The following ZBTB7B variants were observed in gnomAD, a reference collection of about 807,000 sequenced individuals.
ZBTB7B encodes zinc finger and BTB domain containing 7B.
ZBTB7B carries 8 observed loss-of-function variants against 31.0 expected under a neutral mutation model. That is an observed-to-expected ratio of 0.26 (90% CI 0.15 to 0.47). The LOEUF is 0.47. Among genes scored for constraint, ZBTB7B ranks in the 20% least tolerant of loss-of-function variants. The pLI is 0.99. For missense variants in ZBTB7B, 494 were observed against 742.4 expected (o/e 0.67, Z 3.89); for synonymous variants, 261 against 307.3 (o/e 0.85, Z 1.58).
upstream of ZBTB7B, among the ~76,000 whole-genome samples, chr1:155,002,229 G>A (rs919424026): frequency 1.3e-5 from 2 of 151,938 alleles, no homozygotes; most frequent in African/African-American, 4.8e-5. Flanking sequence ...AGCGGACAGG[G>A]CGGTGGCGTG....
intron 1 of ZBTB7B, among the ~76,000 whole-genome samples, chr1:155,006,845 C>G (rs981969780): frequency 6.6e-6 from 1 of 152,190 alleles, no homozygotes; most frequent in African/African-American, 2.4e-5. Flanking sequence ...CTTTCCTCCA[C>G]CATGGACATC....
In ZBTB7B at chr1:155,014,918, C is replaced by T. The variant is rs768523521; in HGVS notation, c.258C>T (p.Ala86=). 3.3e-5 allele frequency: 54 copies of T among 1,613,828 alleles called. No homozygotes were observed. The highest frequency in any genetic ancestry group is 4.2e-5 in the Non-Finnish European group (50 of 1,180,016). The change falls in exon 2 of 3, where the codon GCC becomes GCT. Residue 86 remains alanine, a synonymous_variant. Transcript: ENST00000535420. ...GSGTATGGAG[A]GVCELDFVGP... ...GGACGGCCACTGGGGGAGCAGGGGC[C>T]GGTGTGTGTGAGCTGGACTTTGTAG...
At chr1:155,009,620 G>A (rs1658813442) in intron 1 of ZBTB7B, among the ~76,000 whole-genome samples, 1 of 147,868 alleles carries the variant, frequency 6.8e-6, no homozygotes, top group African/African-American at 2.5e-5. Context: ...CCCCACATCC[G>A]CTCTCGCTGC....
Position 155,017,227 on chromosome 1 carries a change from G to A in ZBTB7B, c.*542G>A, listed in dbSNP as rs1318432842. 6.5e-6 allele frequency: 1 copy of A among 152,972 alleles called. No homozygotes were observed. The allele number at this position is 152,972 out of a possible 1,614,324, so 9.5% of individuals were successfully genotyped here. A position where few individuals can be genotyped will look rare whatever the true frequency, so the allele number is the denominator to read the frequency against. On this transcript the variant is annotated 3_prime_UTR_variant, in exon 3 of 3. Coordinates refer to ENST00000535420, the MANE Select transcript of ZBTB7B (RefSeq NM_001256455.2). ...GGGAAAGCCAGGTGGAAGCTTGAAA[G>A]ACTGGGGGACTGGGCCTGTAAGGAA...
rs1351840984 is a variant in ZBTB7B, at chr1:155,003,895, G to A, written c.-7+952G>A. 2.6e-5 allele frequency among the ~76,000 whole-genome samples: 4 copies of A among 152,120 alleles called. No homozygotes were observed. Among genetic ancestry groups the A allele is most frequent in the Non-Finnish European group, 5.9e-5 (4 of 67,988 alleles). ...CGTGTCCCGGCCAGAGCGAGGTGGGGGCGGGAGTGGGGGGGCGGCGTGGGC... is the reference window on the plus strand; with the variant it reads ...CGTGTCCCGGCCAGAGCGAGGTGGGAGCGGGAGTGGGGGGGCGGCGTGGGC... On this transcript the variant is annotated intron_variant, in intron 1 of 2. Transcript: ENST00000535420. This position sits in a 1 kb window ranked among gnomAD's most constrained non-coding sequence, Gnocchi z 5.8.
At chr1:155,012,397 G>A (rs1489097303) in intron 1 of ZBTB7B, among the ~76,000 whole-genome samples, 5 of 152,072 alleles carry the variant, frequency 3.3e-5, no homozygotes, top group Admixed American at 1.3e-4. Flanking sequence ...GGCCCAGGAG[G>A]GTGCCTACTG....
At chr1:155,010,725 CT>C (rs1268680484) in intron 1 of ZBTB7B, among the ~76,000 whole-genome samples, 3 of 152,104 alleles carry the variant, frequency 2.0e-5, no homozygotes, top group Non-Finnish European at 2.9e-5. Context: ...CCCCACCCCC[CT>C]GGTCCAGACG....
intron 1 of ZBTB7B, among the ~76,000 whole-genome samples, chr1:155,008,973 C>T (rs1658749569): frequency 6.6e-6 from 1 of 152,232 alleles, no homozygotes; most frequent in South Asian, 2.1e-4. Flanking sequence ...GCCGCCAGGC[C>T]CCTCAGCGTT....
intron 1 of ZBTB7B, among the ~76,000 whole-genome samples, chr1:155,013,731 G>C (rs1331196317): frequency 6.6e-6 from 1 of 151,866 alleles, no homozygotes; most frequent in Non-Finnish European, 1.5e-5. Context: ...ACTGGAACTT[G>C]GCCTATTGGC....
chr1:155,016,493 C>G lies in ZBTB7B; in HGVS notation c.1428C>G (p.Thr476=). Residue 476 remains threonine, a synonymous_variant, in exon 3 of 3, where the codon ACC becomes ACG. Coordinates refer to ENST00000535420, the MANE Select transcript of ZBTB7B (RefSeq NM_001256455.2). The surrounding 1 kb of genome is among the most constrained non-coding windows in gnomAD (Gnocchi z 4.3). ...CACCCCACTACCCACCACCCTCTAC[C>G]GCTGCTGCATCCCCCGCTGGCCTCG... ...DAPPHYPPPS[T]AAASPAGLDL... The G allele has an allele frequency of 3.1e-6, 5 of 1,614,062 alleles. No homozygotes were observed. The highest frequency in any genetic ancestry group is 4.2e-6 in the Non-Finnish European group (5 of 1,179,964).
chr1:155,015,444 T>C lies in ZBTB7B; in HGVS notation c.784T>C (p.Ser262Pro), dbSNP rs200348493. 17 of 1,579,690 alleles carry C rather than the reference T, an allele frequency of 1.1e-5. No homozygotes were observed. In the East Asian group the frequency reaches 3.6e-4, roughly 33 times the overall value. ...DSYSPPTGTA[S>P]PPEGPQSYEP... ...CTACAGCCCTCCCACAGGAACTGCC[T>C]CCCCTCCTGAGGGTCCCCAGAGCTA... The change falls in exon 2 of 3, where the codon TCC becomes CCC. Residue 262 changes from serine (S) to proline (P), a missense_variant. Physicochemically the swap from Ser to Pro is moderately conservative, Grantham distance 74 (BLOSUM62 -1). This residue lies in a region of ZBTB7B where 216 missense variants were observed against 229.3 expected (regional missense o/e 0.94). Transcript: ENST00000535420.
At chr1:155,011,287 G>A (rs1212609848) in intron 1 of ZBTB7B, among the ~76,000 whole-genome samples, 1 of 152,234 alleles carries the variant, frequency 6.6e-6, no homozygotes, top group East Asian at 1.9e-4. Flanking sequence ...TCAGCACCCG[G>A]AAAGAGTTCC....
upstream of ZBTB7B, among the ~76,000 whole-genome samples, chr1:155,002,257 A>C (rs1277238897): frequency 1.3e-5 from 2 of 150,858 alleles, no homozygotes; most frequent in Admixed American, 6.6e-5. Context: ...CGGGCAGAGC[A>C]GCAGCAAAGG....
chr1:155,015,225 C>A lies in ZBTB7B; in HGVS notation c.565C>A (p.Pro189Thr), dbSNP rs745417803. The A allele has an allele frequency of 1.2e-6, 2 of 1,613,804 alleles. No homozygotes were observed. The highest frequency in any genetic ancestry group is 1.7e-6 in the Non-Finnish European group (2 of 1,179,992). Residue 189 changes from proline to threonine, a missense_variant, in exon 2 of 3, where the codon CCT becomes ACT. Pro to Thr is a conservative substitution (Grantham distance 38). This residue lies in a region of ZBTB7B where 216 missense variants were observed against 229.3 expected (regional missense o/e 0.94). Coordinates refer to ENST00000535420, the MANE Select transcript of ZBTB7B (RefSeq NM_001256455.2). ...TCCTCCACAGGTGCCCCTCCCACCACCTCCGCCACCGCCACCTCGGCCTGT... is the reference window on the plus strand; with the variant it reads ...TCCTCCACAGGTGCCCCTCCCACCAACTCCGCCACCGCCACCTCGGCCTGT... ...DSPPQVPLPP[P>T]PPPPPRPVAR...
At chr1:155,005,194 G>T (rs1415442303) in intron 1 of ZBTB7B, among the ~76,000 whole-genome samples, 1 of 152,128 alleles carries the variant, frequency 6.6e-6, no homozygotes, top group Non-Finnish European at 1.5e-5. Flanking sequence ...GGGGAAGGGT[G>T]GGGGAGGGGG....
chr1:155,018,376 A>G lies in ZBTB7B; in HGVS notation c.*1691A>G. ...GGCCCAGCCCCAGAAAGTGGGGACA[A>G]TGTGGCCTCCCTTCTCCCTACTTTC... On this transcript the variant is annotated 3_prime_UTR_variant, in exon 3 of 3. Coordinates refer to ENST00000535420, the MANE Select transcript of ZBTB7B (RefSeq NM_001256455.2). The G allele has an allele frequency of 1.5e-6, 1 of 671,846 alleles. No individual in the cohort carries two copies. Among genetic ancestry groups the G allele is most frequent in the Non-Finnish European group, 2.5e-6 (1 of 404,904 alleles). 41.6% of individuals were successfully genotyped at this position (671,846 alleles called of 1,614,324 possible). A position where few individuals can be genotyped will look rare whatever the true frequency, so the allele number is the denominator to read the frequency against.
intron 1 of ZBTB7B, chr1:155,010,894 G>T: frequency 2.6e-6 from 4 of 1,532,618 alleles, no homozygotes; most frequent in Non-Finnish European, 3.5e-6. Flanking sequence ...AGAGCCTCAG[G>T]TCTCTCCATC....
At position 155,004,771 on chromosome 1, in the gene ZBTB7B, G is replaced by A. The variant is rs552330752; in HGVS notation, c.-7+1828G>A. 1.7e-4 allele frequency among the ~76,000 whole-genome samples: 26 copies of A among 152,110 alleles called. No individual in the cohort carries two copies. Among genetic ancestry groups the A allele is most frequent in the African/African-American group, 5.3e-4 (22 of 41,480 alleles). ...CCCCAGGGACCCCAGCTCCCCCAGC[G>A]TGCCTCTGTTACATGGTTGCTGTGG... On this transcript the variant is annotated intron_variant, in intron 1 of 2. Transcript: ENST00000535420. This position sits in a 1 kb window ranked among gnomAD's most constrained non-coding sequence, Gnocchi z 4.0.
rs375988024 is a variant in ZBTB7B at position 155,014,931 on chromosome 1, C to T, written c.271C>T (p.Leu91=). 480 of 1,613,796 alleles carry T rather than the reference C, an allele frequency of 3.0e-4. 2 individuals carry two copies. Among genetic ancestry groups the T allele is most frequent in the Non-Finnish European group, 3.7e-4 (435 of 1,179,996 alleles). Residue 91 remains leucine, a synonymous_variant, in exon 2 of 3, where the codon CTG becomes TTG. Transcript: ENST00000535420. ...TGGAGAGVCE[L]DFVGPEALGA... is the part of the protein sequence containing the mutation. ...GGGAGCAGGGGCCGGTGTGTGTGAG[C>T]TGGACTTTGTAGGGCCAGAGGCACT...
Sources: allele counts gnomAD v4.1 joint callset (sites outside exome capture counted in the v4.1 genomes callset), GRCh38; gene constraint gnomAD v4.1.1; regional missense constraint gnomAD v4.1.1; non-coding constraint Gnocchi (gnomAD v3.1); transcripts MANE v1.5; gene names NCBI Gene and HGNC (gene_info 2026-07-23, HGNC 2026-07-21).